ATP8B4: variants seen among roughly 807,000 people sequenced by gnomAD.
The protein encoded by ATP8B4 is probable phospholipid-transporting ATPase IM.
A neutral mutation model predicts 145.6 loss-of-function variants in ATP8B4; 133 were observed. That is an observed-to-expected ratio of 0.91 (90% CI 0.79 to 1.05). ATP8B4 has a LOEUF of 1.05. Ranked by LOEUF, ATP8B4 falls within the 50% of genes least tolerant of loss-of-function variation. The pLI, the probability that ATP8B4 is intolerant of heterozygous loss-of-function variation, is 0.00. For missense variants in ATP8B4, 1,458 were observed against 1,425.2 expected, an observed-to-expected ratio of 1.02 and a Z score of -0.37; for synonymous variants, 507 against 492.9, an observed-to-expected ratio of 1.03 and a Z score of -0.38.
At chr15:50,055,866 G>T (rs536212803) in intron 3 of ATP8B4, among the ~76,000 whole-genome samples, 2 of 152,310 alleles carry the variant, frequency 1.3e-5, no homozygotes, top group South Asian at 2.1e-4. Context: ...GAACCCAAAA[G>T]AATGCATGTA....
intron 10 of ATP8B4, among the ~76,000 whole-genome samples, chr15:49,984,640 C>T (rs1158055540): frequency 1.3e-5 from 2 of 152,084 alleles, no homozygotes; most frequent in Non-Finnish European, 2.9e-5. Flanking sequence ...GGAGTAAATA[C>T]CTTGATCGTA....
intron 1 of ATP8B4, among the ~76,000 whole-genome samples, chr15:50,149,213 G>C (rs1011523333): frequency 6.6e-6 from 1 of 152,172 alleles, no homozygotes; most frequent in Non-Finnish European, 1.5e-5. Context: ...TGATTGGCTA[G>C]GTCTGCCGTA....
At chr15:49,872,071 T>C (rs1349410869) in intron 25 of ATP8B4, among the ~76,000 whole-genome samples, 1 of 152,348 alleles carries the variant, frequency 6.6e-6, no homozygotes, top group Non-Finnish European at 1.5e-5. Context: ...ATTGCAATGA[T>C]GAGGATTACA....
At chr15:50,070,338 G>A (rs1287510094) in intron 3 of ATP8B4, among the ~76,000 whole-genome samples, 1 of 152,080 alleles carries the variant, frequency 6.6e-6, no homozygotes, top group East Asian at 1.9e-4. Flanking sequence ...GATAGGCATA[G>A]GTTCAAATCC....
chr15:49,864,773 G>C (rs957726517), intron 26 of ATP8B4, among the ~76,000 whole-genome samples: 1 of 151,958 alleles, frequency 6.6e-6, no homozygotes, highest in African/African-American at 2.4e-5. Flanking sequence ...CCATCACCAT[G>C]GTTAACATTT....
intron 1 of ATP8B4, among the ~76,000 whole-genome samples, chr15:50,138,060 C>T (rs2044146986): frequency 6.6e-6 from 1 of 152,206 alleles, no homozygotes; most frequent in South Asian, 2.1e-4. Flanking sequence ...ATCACATTTT[C>T]ATCCTTCAGC....
chr15:50,128,117 A>C (rs1161554542), intron 1 of ATP8B4, among the ~76,000 whole-genome samples: 2 of 152,160 alleles, frequency 1.3e-5, no homozygotes, highest in Non-Finnish European at 2.9e-5. Flanking sequence ...GGAAAGAAGG[A>C]ATTAATATCA....
chr15:50,157,688 T>C (rs1353028952), intron 1 of ATP8B4, among the ~76,000 whole-genome samples: 1 of 152,148 alleles, frequency 6.6e-6, no homozygotes, highest in Non-Finnish European at 1.5e-5. Context: ...ACTGAATCTG[T>C]AGATTGCTTT....
chr15:49,916,647 C>T (rs1303715154), intron 20 of ATP8B4, among the ~76,000 whole-genome samples: 1 of 152,094 alleles, frequency 6.6e-6, no homozygotes, highest in Non-Finnish European at 1.5e-5. Flanking sequence ...AGGTACTAAC[C>T]AAAGCACAAT....
In ATP8B4 at chr15:50,073,017, TATACACACACACACACAC is replaced by T. The variant is rs1423533684; in HGVS notation, c.87+1092_87+1109del. 7.6e-4 allele frequency among the ~76,000 whole-genome samples: 24 copies of T among 31,630 alleles called. 1 individual carries two copies. The East Asian group carries it at 0.019, about 25-fold the overall frequency. 20.8% of individuals were successfully genotyped at this position (31,630 alleles called of 152,430 possible). On this transcript the variant is annotated intron_variant, in intron 3 of 27. Transcript: ENST00000284509. ...ATATATATATATATATATATATATATATACACACACACACACACACACACACACACACACACTATACAT... is the reference window on the plus strand; with the variant it reads ...ATATATATATATATATATATATATATACACACACACACACACACTATACAT...
At chr15:50,156,798 C>T (rs924313763) in intron 1 of ATP8B4, among the ~76,000 whole-genome samples, 1 of 152,154 alleles carries the variant, frequency 6.6e-6, no homozygotes, top group Non-Finnish European at 1.5e-5. Flanking sequence ...GATTGCCATT[C>T]CACTTCTTAG....
At chr15:49,986,972 T>G (rs1280626102) in intron 10 of ATP8B4, among the ~76,000 whole-genome samples, 1 of 149,540 alleles carries the variant, frequency 6.7e-6, no homozygotes, top group African/African-American at 2.5e-5. Flanking sequence ...TCAAGAAGCC[T>G]TTTCCAAATG....
chr15:49,918,594 T>C (rs2039968355), intron 19 of ATP8B4, among the ~76,000 whole-genome samples: 2 of 152,220 alleles, frequency 1.3e-5, no homozygotes, highest in Admixed American at 6.5e-5. Flanking sequence ...ATGATTATAT[T>C]CAAGAGGCAA....
At chr15:50,130,884 C>CCT (rs1194435200) in intron 1 of ATP8B4, among the ~76,000 whole-genome samples, 1 of 152,140 alleles carries the variant, frequency 6.6e-6, no homozygotes, top group African/African-American at 2.4e-5. Context: ...CATTTTCATA[C>CCT]TGATATAAAG....
At chr15:50,122,757 C>A (rs1190575762), upstream of ATP8B4, among the ~76,000 whole-genome samples, 1 of 152,128 alleles carries the variant, frequency 6.6e-6, no homozygotes, top group Non-Finnish European at 1.5e-5. Flanking sequence ...AGACTAGAAG[C>A]CCACTTGAAT....
chr15:49,893,060 C>T (rs1036778933), intron 23 of ATP8B4, among the ~76,000 whole-genome samples: 1 of 152,174 alleles, frequency 6.6e-6, no homozygotes, highest in Non-Finnish European at 1.5e-5. Flanking sequence ...GATGAAGTCA[C>T]ACAAATGCTC....
At chr15:49,874,056 A>C (rs2034034714) in intron 25 of ATP8B4, among the ~76,000 whole-genome samples, 1 of 152,180 alleles carries the variant, frequency 6.6e-6, no homozygotes, top group Non-Finnish European at 1.5e-5. Flanking sequence ...CATCTCCCTC[A>C]TTTATTCAAT....
intron 9 of ATP8B4, among the ~76,000 whole-genome samples, chr15:49,990,716 T>C (rs76514149): frequency 2.7e-4 from 41 of 152,278 alleles, no homozygotes; most frequent in Non-Finnish European, 4.0e-4. Context: ...CAGTGCCCAA[T>C]AGTCTATGAT....
chr15:49,876,923 A>C (rs2034533142), intron 24 of ATP8B4, among the ~76,000 whole-genome samples: 1 of 152,186 alleles, frequency 6.6e-6, no homozygotes, highest in Non-Finnish European at 1.5e-5. Flanking sequence ...GTTAATTGTC[A>C]AGGTAGTGAG....
Sources: allele counts gnomAD v4.1 joint callset (sites outside exome capture counted in the v4.1 genomes callset), GRCh38; gene constraint gnomAD v4.1.1; transcripts MANE v1.5; gene names NCBI Gene and HGNC (gene_info 2026-07-23, HGNC 2026-07-21).